PDK1: variants seen among roughly 807,000 people sequenced by gnomAD.
PDK1 encodes pyruvate dehydrogenase kinase 1.
In PDK1, 39 loss-of-function variants were observed where a neutral mutation model predicts 54.2. The ratio of observed to expected loss-of-function variants is 0.72; its 90% CI spans 0.56 to 0.94. PDK1 has a LOEUF of 0.94. Among genes scored for constraint, PDK1 ranks in the 40% least tolerant of loss-of-function variants. The pLI, the probability that PDK1 is intolerant of heterozygous loss-of-function variation, is 0.00. For missense variants in PDK1, 552 were observed against 566.0 expected (o/e 0.98, Z 0.25); for synonymous variants, 221 against 207.1 (o/e 1.07, Z -0.58).
the PDK1 span, among the ~76,000 whole-genome samples, chr2:172,679,731 G>GA: frequency 1.3e-5 from 2 of 150,920 alleles, no homozygotes; most frequent in African/African-American, 2.4e-5. Context: ...AGTTATAATG[G>GA]AAAAAAATGG....
intron 8 of PDK1, among the ~76,000 whole-genome samples, chr2:172,579,971 G>C (rs1185761952): frequency 1.3e-5 from 2 of 150,974 alleles, no homozygotes; most frequent in Non-Finnish European, 3.0e-5. Flanking sequence ...CCCTTCTATT[G>C]AACTTTTATT....
the PDK1 span, among the ~76,000 whole-genome samples, chr2:172,663,128 C>T: frequency 1.3e-5 from 2 of 152,214 alleles, no homozygotes; most frequent in East Asian, 1.9e-4. Flanking sequence ...AGTCTGAGGT[C>T]AAAGTATCAA....
the PDK1 span, among the ~76,000 whole-genome samples, chr2:172,705,563 G>A: frequency 6.6e-6 from 1 of 152,164 alleles, no homozygotes; most frequent in Non-Finnish European, 1.5e-5. Flanking sequence ...TTTGACTCAG[G>A]CTTGTACTCA....
At position 172,604,234 on chromosome 2, in the gene PDK1, A is replaced by C. The variant is rs1358860962; in HGVS notation, c.*8265A>C. The C allele has an allele frequency of 6.6e-6, 1 of 152,178 alleles. No homozygotes were observed. Among genetic ancestry groups the C allele is most frequent in the African/African-American group, 2.4e-5 (1 of 41,438 alleles). The allele number at this position is 152,178 out of a possible 1,614,324, so 9.4% of individuals were successfully genotyped here. ...GTAGCTGGGATTACAGGCGAGCGCC[A>C]TCATGCCTGACTAATTTTCGTATTT... is the stretch of plus-strand genomic sequence containing the variant. On this transcript the variant is annotated 3_prime_UTR_variant, in exon 11 of 11. Transcript: ENST00000282077.
At position 172,603,556 on chromosome 2, in the gene PDK1, G is replaced by C. The variant is rs7584769; in HGVS notation, c.*7587G>C. 42,011 of 152,118 alleles carry C rather than the reference G, an allele frequency of 0.28. 7,136 individuals are homozygous for C. The highest frequency in any genetic ancestry group is 0.49 in the African/African-American group (20,168 of 41,430). The allele number at this position is 152,118 out of a possible 1,614,324, so 9.4% of individuals were successfully genotyped here. On this transcript the variant is annotated 3_prime_UTR_variant, in exon 11 of 11. Transcript: ENST00000282077. Reference sequence around the variant, plus strand: ...GAGAGCTTCACTAATGTTGTCTGCTGCAGGCAATAAGTGAAGTCTCTGGCA... The same window carrying C: ...GAGAGCTTCACTAATGTTGTCTGCTCCAGGCAATAAGTGAAGTCTCTGGCA...
At chr2:172,595,795 C>G in intron 10 of PDK1, 34 bp from the exon 11 acceptor site, 2 of 1,573,792 alleles carry the variant, frequency 1.3e-6, no homozygotes, top group Non-Finnish European at 1.7e-6. Flanking sequence ...TAAAAAATGC[C>G]AGACTTAATA....
chr2:172,705,829 AT>A, the PDK1 span, among the ~76,000 whole-genome samples: 4 of 152,214 alleles, frequency 2.6e-5, no homozygotes, highest in African/African-American at 7.2e-5. Context: ...CTTATTCTGT[AT>A]TTTGCCTTTG....
At chr2:172,713,657 G>T in the PDK1 span, among the ~76,000 whole-genome samples, 1 of 152,254 alleles carries the variant, frequency 6.6e-6, no homozygotes, top group African/African-American at 2.4e-5. Flanking sequence ...GCAGGGAGAG[G>T]CCAGGCAACG....
the PDK1 span, among the ~76,000 whole-genome samples, chr2:172,700,494 G>A: frequency 6.6e-5 from 10 of 150,696 alleles, no homozygotes; most frequent in South Asian, 2.1e-3. Context: ...ATGACGGCCG[G>A]GAAGAGGTGC....
chr2:172,671,677 T>G, the PDK1 span, among the ~76,000 whole-genome samples: 1 of 152,042 alleles, frequency 6.6e-6, no homozygotes, highest in African/African-American at 2.4e-5. Context: ...AATAAACCAA[T>G]AAATCTGAGC....
chr2:172,664,336 C>CAAAAAAAAAAAAAAAAA, the PDK1 span, among the ~76,000 whole-genome samples: 5 of 33,612 alleles, frequency 1.5e-4, no homozygotes, highest in East Asian at 1.2e-3. Flanking sequence ...AAAAAAAAAG[C>CAAAAAAAAAAAAAAAAA]ATTGCCTTGC....
At chr2:172,669,195 G>T in the PDK1 span, among the ~76,000 whole-genome samples, 3 of 151,356 alleles carry the variant, frequency 2.0e-5, no homozygotes, top group South Asian at 6.3e-4. Context: ...AAGTAGCTGG[G>T]ACTACAGGCG....
chr2:172,594,239 G>A (rs1397452123), intron 10 of PDK1, among the ~76,000 whole-genome samples: 1 of 152,062 alleles, frequency 6.6e-6, no homozygotes, highest in Non-Finnish European at 1.5e-5. Context: ...TGGCTAGGCT[G>A]ATCTCGAACT....
Position 172,556,209 on chromosome 2 carries a change from G to T in PDK1, c.59G>T (p.Arg20Leu). The T allele has an allele frequency of 7.1e-7, 1 of 1,417,696 alleles. No individual in the cohort carries two copies. Among genetic ancestry groups the T allele is most frequent in the Non-Finnish European group, 9.1e-7 (1 of 1,093,614 alleles). 87.8% of individuals were successfully genotyped at this position (1,417,696 alleles called of 1,614,324 possible). A position where few individuals can be genotyped will look rare whatever the true frequency, so the allele number is the denominator to read the frequency against. The change falls in exon 1 of 11, where the codon CGC becomes CTC. Residue 20 changes from arginine to leucine, a missense_variant. Transcript: ENST00000282077. ...AALAGPGPGL[R>L]AAGFSRSFSS... ...TTGGCCGGCCCGGGCCCGGGGCTGC[G>T]CGCCGCCGGCTTCAGCCGCAGCTTC...
chr2:172,617,207 C>A, the PDK1 span, among the ~76,000 whole-genome samples: 1 of 152,078 alleles, frequency 6.6e-6, no homozygotes, highest in Non-Finnish European at 1.5e-5. Flanking sequence ...CCCACCTTGG[C>A]CTCCCAAAGT....
the PDK1 span, among the ~76,000 whole-genome samples, chr2:172,720,932 C>G: frequency 1.3e-5 from 2 of 152,164 alleles, no homozygotes; most frequent in African/African-American, 2.4e-5. Flanking sequence ...GTCCCCCACC[C>G]TCACCCAGTC....
chr2:172,619,555 G>T, the PDK1 span, among the ~76,000 whole-genome samples: 47,823 of 151,534 alleles, frequency 0.32, 8,599 homozygotes, highest in African/African-American at 0.5. Flanking sequence ...GGTTTTCTGC[G>T]GTAACAGTCT....
intron 8 of PDK1, among the ~76,000 whole-genome samples, chr2:172,578,654 G>T (rs1460283690): frequency 6.6e-6 from 1 of 151,080 alleles, no homozygotes; most frequent in Non-Finnish European, 1.5e-5. Context: ...ATAGAAAACT[G>T]GACATTTAAA....
chr2:172,646,461 G>A, the PDK1 span, among the ~76,000 whole-genome samples: 21 of 151,788 alleles, frequency 1.4e-4, no homozygotes, highest in African/African-American at 4.8e-4. Flanking sequence ...TCAAGAAAAG[G>A]AGAATGTTGA....
Sources: allele counts gnomAD v4.1 joint callset (sites outside exome capture counted in the v4.1 genomes callset), GRCh38; gene constraint gnomAD v4.1.1; transcripts MANE v1.5; gene names NCBI Gene and HGNC (gene_info 2026-07-23, HGNC 2026-07-21).